Variants in RASA3 observed in about 807,000 individuals in gnomAD.
RASA3 encodes ras GTPase-activating protein 3.
A neutral mutation model predicts 110.0 loss-of-function variants in RASA3; 73 were observed. The ratio of observed to expected loss-of-function variants is 0.66; its 90% CI spans 0.55 to 0.81. The LOEUF (loss-of-function observed/expected upper bound fraction) is 0.81. Ranked by LOEUF, RASA3 falls within the 30% of genes least tolerant of loss-of-function variation. RASA3 has a pLI of 0.00. For synonymous variants in RASA3, 500 were observed against 451.4 expected (o/e 1.11, Z -1.37); for missense variants, 976 against 1,113.2 (o/e 0.88, Z 1.75).
Position 114,114,298 on chromosome 13 carries a change from C to T in RASA3, c.55+18137G>A, listed in dbSNP as rs542510085. 1.6e-3 allele frequency among the ~76,000 whole-genome samples: 239 copies of T among 152,348 alleles called. No individual in the cohort carries two copies. Among genetic ancestry groups the T allele is most frequent in the African/African-American group, 5.2e-3 (218 of 41,588 alleles). ...GCAAAACGAATTTCCTCCTGTCACA[C>T]GCTAACTTTCTGTTCTGGATTTCCT... On this transcript the variant is annotated intron_variant, in intron 1 of 23. Transcript: ENST00000334062. The surrounding 1 kb of genome is among the most constrained non-coding windows in gnomAD (Gnocchi z 4.8).
At chr13:113,980,024 G>A (rs1025652473) in intron 23 of RASA3, among the ~76,000 whole-genome samples, 2 of 138,962 alleles carry the variant, frequency 1.4e-5, no homozygotes, top group Admixed American at 7.2e-5. Flanking sequence ...TCCCACGTGT[G>A]CACCTGTGTG....
intron 3 of RASA3, among the ~76,000 whole-genome samples, chr13:114,041,561 T>G (rs1249456542): frequency 6.6e-6 from 1 of 152,220 alleles, no homozygotes; most frequent in East Asian, 1.9e-4. Flanking sequence ...GCACCAGAGC[T>G]CTGATCTCAC....
At chr13:114,012,266 AAC>A (rs2053650825) in intron 15 of RASA3, among the ~76,000 whole-genome samples, 1 of 151,864 alleles carries the variant, frequency 6.6e-6, no homozygotes. Flanking sequence ...TAGGTCGGTG[AAC>A]CACCTGCAAC....
intron 21 of RASA3, 47 bp from the exon 22 acceptor site, chr13:113,992,635 C>T (rs369127081): frequency 3.7e-5 from 50 of 1,352,314 alleles, no homozygotes; most frequent in East Asian, 4.7e-5. Context: ...CTTATTTAAA[C>T]GATGCTTTTA....
chr13:114,000,953 G>T (rs1206704109), intron 18 of RASA3, 21 bp from the exon 19 acceptor site: 9 of 1,547,418 alleles, frequency 5.8e-6, no homozygotes, highest in Non-Finnish European at 8.0e-6. Context: ...AGCACACAGG[G>T]CCGGGGTCCG....
chr13:114,030,241 G>T (rs536176118), intron 4 of RASA3, among the ~76,000 whole-genome samples: 3 of 152,242 alleles, frequency 2.0e-5, no homozygotes, highest in African/African-American at 7.2e-5. Flanking sequence ...TCGTGTGTCC[G>T]TCGGGACAAA....
chr13:114,008,883 T>C (rs71449051), intron 17 of RASA3, among the ~76,000 whole-genome samples: 3,122 of 18,444 alleles, frequency 0.17, 898 homozygotes, highest in Middle Eastern at 0.42. Context: ...CAGAGCCCTG[T>C]GGTCTGGATG....
At chr13:114,017,981 T>C (rs1045114876) in intron 11 of RASA3, 123 bp downstream of exon 11, 13 of 1,129,382 alleles carry the variant, frequency 1.2e-5, no homozygotes, top group African/African-American at 3.3e-5. Context: ...TGAATCAACA[T>C]GGTTTCTGGG....
At chr13:114,069,910 T>TC (rs2079538493) in intron 2 of RASA3, among the ~76,000 whole-genome samples, 1 of 5,840 alleles carries the variant, frequency 1.7e-4, no homozygotes, top group Non-Finnish European at 2.7e-4. Flanking sequence ...GTCAGGAGAC[T>TC]GGGGGGTGGG....
At chr13:114,069,464 TGG>T (rs2079518202) in intron 2 of RASA3, among the ~76,000 whole-genome samples, 7 of 14,772 alleles carry the variant, frequency 4.7e-4, no homozygotes, top group Admixed American at 1.8e-3. Context: ...CTTGGGGGGC[TGG>T]GAGACTCGGG....
intron 3 of RASA3, among the ~76,000 whole-genome samples, chr13:114,051,077 C>T (rs1371372807): frequency 2.0e-5 from 3 of 152,214 alleles, no homozygotes; most frequent in Non-Finnish European, 2.9e-5. Context: ...ACCCCGCCCA[C>T]GCACAGCACC....
rs1317520518 is a variant in RASA3, at chr13:114,114,679, G to A, written c.55+17756C>T. ...AGCAACTTGTTTTTCTTCATCCTTC[G>A]CCGACCTTTGTTTATGGGTAACCCT... is the stretch of plus-strand genomic sequence containing the variant. On this transcript the variant is annotated intron_variant, in intron 1 of 23. Coordinates refer to ENST00000334062, the MANE Select transcript of RASA3 (RefSeq NM_007368.4). This position sits in a 1 kb window ranked among gnomAD's most constrained non-coding sequence, Gnocchi z 4.8. 4.6e-5 allele frequency among the ~76,000 whole-genome samples: 7 copies of A among 152,064 alleles called. No homozygotes were observed. The highest frequency in any genetic ancestry group is 1.4e-4 in the African/African-American group (6 of 41,396).
intron 1 of RASA3, among the ~76,000 whole-genome samples, chr13:114,130,677 C>T (rs759071134): frequency 9.2e-5 from 14 of 152,350 alleles, no homozygotes; most frequent in Non-Finnish European, 1.6e-4. Context: ...CTGTAAAGTC[C>T]TGCCGTGGCC....
At chr13:114,128,927 C>G (rs1566593871) in intron 1 of RASA3, among the ~76,000 whole-genome samples, 2 of 148,024 alleles carry the variant, frequency 1.4e-5, no homozygotes, top group African/African-American at 2.5e-5. Flanking sequence ...GCGGGGCTGG[C>G]TTTTTTTTTT....
chr13:114,074,033 C>G (rs555800877), intron 1 of RASA3, among the ~76,000 whole-genome samples, 196 bp from the exon 2 acceptor site: 1 of 152,344 alleles, frequency 6.6e-6, no homozygotes, highest in South Asian at 2.1e-4. Flanking sequence ...ATGCACGCCA[C>G]CCTCTAATGC....
intron 22 of RASA3, among the ~76,000 whole-genome samples, chr13:113,991,764 G>A (rs191838655): frequency 1.2e-4 from 19 of 152,336 alleles, no homozygotes; most frequent in Non-Finnish European, 2.4e-4. Flanking sequence ...GAATTAGATG[G>A]CATGTGTGTA....
rs374142199 is a variant in RASA3 at position 113,996,703 on chromosome 13, T to C, written c.1969A>G (p.Ile657Val). The C allele has an allele frequency of 1.4e-5, 22 of 1,613,772 alleles. No homozygotes were observed. The highest frequency in any genetic ancestry group is 2.2e-5 in the East Asian group (1 of 44,878). Reference protein sequence around the residue: ...QVIQPERALYIQANNCVEAKD... With the variant: ...QVIQPERALYVQANNCVEAKD... ...GCCTCCACGCAGTTGTTGGCCTGGA[T>C]GTACAGCGCACGCTCTGGCTGGATG... The change falls in exon 21 of 24, where the codon ATC becomes GTC. Residue 657 changes from isoleucine (I) to valine (V), a missense_variant. By Grantham distance (29) the Ile-to-Val change is conservative. Transcript: ENST00000334062.
intron 1 of RASA3, among the ~76,000 whole-genome samples, chr13:114,127,018 A>C (rs2080459745): frequency 6.6e-6 from 1 of 152,098 alleles, no homozygotes; most frequent in Non-Finnish European, 1.5e-5. Flanking sequence ...AAACCTTAGC[A>C]GCCATCACTT....
intron 1 of RASA3, among the ~76,000 whole-genome samples, chr13:114,116,857 CGT>C (rs1384272755): frequency 2.6e-5 from 3 of 115,442 alleles, no homozygotes; most frequent in Non-Finnish European, 5.0e-5. Flanking sequence ...TGGGTGTGCA[CGT>C]GTGTGAGGGG....
Sources: allele counts gnomAD v4.1 joint callset (sites outside exome capture counted in the v4.1 genomes callset), GRCh38; gene constraint gnomAD v4.1.1; non-coding constraint Gnocchi (gnomAD v3.1); transcripts MANE v1.5; gene names NCBI Gene and HGNC (gene_info 2026-07-23, HGNC 2026-07-21).